The following ZHX2 variants were observed in gnomAD, a reference collection of about 807,000 sequenced individuals.
ZHX2 encodes zinc fingers and homeoboxes protein 2.
Under a neutral mutation model 21.9 loss-of-function variants are expected in ZHX2, and 6 were observed. The observed-to-expected ratio is 0.27, with a 90% CI of 0.15 to 0.54. ZHX2 has a LOEUF of 0.54. Among genes scored for constraint, ZHX2 ranks in the 20% least tolerant of loss-of-function variants. ZHX2 has a pLI of 0.95. For missense variants in ZHX2, 908 were observed against 1,090.7 expected, an observed-to-expected ratio of 0.83 and a Z score of 2.36; for synonymous variants, 434 against 437.1, an observed-to-expected ratio of 0.99 and a Z score of 0.09.
intron 3 of ZHX2, among the ~76,000 whole-genome samples, chr8:122,959,096 T>G (rs536469092): frequency 6.2e-4 from 95 of 152,282 alleles, no homozygotes; most frequent in Middle Eastern, 3.4e-3. Flanking sequence ...ATTCTGAGGC[T>G]CAGGAACCTG....
chr8:122,814,158 T>C (rs1390915632), intron 1 of ZHX2, among the ~76,000 whole-genome samples: 1 of 152,196 alleles, frequency 6.6e-6, no homozygotes, highest in African/African-American at 2.4e-5. Context: ...AGGCAACAGA[T>C]CATGAAAGCC....
chr8:122,790,552 T>C (rs970848346), intron 1 of ZHX2, among the ~76,000 whole-genome samples: 2 of 152,154 alleles, frequency 1.3e-5, no homozygotes, highest in Non-Finnish European at 2.9e-5. Context: ...TCTACATGCC[T>C]TTTGTGGGTG....
intron 1 of ZHX2, among the ~76,000 whole-genome samples, chr8:122,809,600 G>T (rs1368373996): frequency 6.6e-6 from 1 of 152,158 alleles, no homozygotes; most frequent in African/African-American, 2.4e-5. Flanking sequence ...ATCCCACGCT[G>T]GTATTTAGTT....
At chr8:122,859,282 C>T (rs1819106154) in intron 1 of ZHX2, among the ~76,000 whole-genome samples, 1 of 152,190 alleles carries the variant, frequency 6.6e-6, no homozygotes, top group Non-Finnish European at 1.5e-5. Flanking sequence ...GTGAGAGTCC[C>T]AGCTCTGAGA....
chr8:122,949,446 T>TA (rs1271439956), intron 2 of ZHX2, among the ~76,000 whole-genome samples: 2 of 152,130 alleles, frequency 1.3e-5, no homozygotes, highest in Non-Finnish European at 2.9e-5. Context: ...AATGTCTAAA[T>TA]AAAAATGACA....
At chr8:122,966,127 G>T (rs1438239037) in intron 3 of ZHX2, among the ~76,000 whole-genome samples, 1 of 152,130 alleles carries the variant, frequency 6.6e-6, no homozygotes, top group African/African-American at 2.4e-5. Context: ...ATTTTAAACG[G>T]AGCCTTTAGG....
chr8:122,903,694 G>A lies in ZHX2; in HGVS notation c.-220+40155G>A, dbSNP rs567142714. Among the ~76,000 whole-genome samples, 9 of 151,702 alleles carry A rather than the reference G, an allele frequency of 5.9e-5. No individual in the cohort carries two copies. In the South Asian group the frequency reaches 1.9e-3, roughly 32 times the overall value. ...TGTAGATTCATAAAAGACTTTGAAA[G>A]GGGAGTGGCGTGTTGTTCTGGTATC... On this transcript the variant is annotated intron_variant, in intron 2 of 3. Transcript: ENST00000314393.
chr8:122,821,023 A>G (rs1237544154), intron 1 of ZHX2, among the ~76,000 whole-genome samples: 1 of 152,210 alleles, frequency 6.6e-6, no homozygotes, highest in African/African-American at 2.4e-5. Context: ...GTGATGATTC[A>G]GGAGGAGTCA....
chr8:122,972,180 T>C (rs1813741285), intron 3 of ZHX2, among the ~76,000 whole-genome samples: 1 of 152,224 alleles, frequency 6.6e-6, no homozygotes, highest in South Asian at 2.1e-4. Context: ...CTAGTCATGT[T>C]GGATTAGAGT....
rs1382391537 is a variant in ZHX2, at chr8:122,973,529, C to T, written c.*292C>T. On this transcript the variant is annotated 3_prime_UTR_variant, in exon 4 of 4. Coordinates refer to ENST00000314393, the MANE Select transcript of ZHX2 (RefSeq NM_014943.5). ...CCCTCACCTCTTGCTATACTGGAAC[C>T]GATTTGTACAATGTGGGAATTTTGT... 6.6e-6 allele frequency: 1 copy of T among 152,622 alleles called. No individual in the cohort carries two copies. Among genetic ancestry groups the T allele is most frequent in the Non-Finnish European group, 1.5e-5 (1 of 68,042 alleles). The allele number at this position is 152,622 out of a possible 1,614,324, so 9.5% of individuals were successfully genotyped here.
At chr8:122,869,454 A>G (rs2129679534) in intron 2 of ZHX2, among the ~76,000 whole-genome samples, 1 of 152,184 alleles carries the variant, frequency 6.6e-6, no homozygotes, top group South Asian at 2.1e-4. Context: ...CAGCTTCCCA[A>G]GTACCTCTCT....
chr8:122,841,781 T>C (rs1255277401), intron 1 of ZHX2, among the ~76,000 whole-genome samples: 2 of 152,120 alleles, frequency 1.3e-5, no homozygotes, highest in African/African-American at 2.4e-5. Flanking sequence ...TATGTGATTG[T>C]ATTTGAGCCG....
At chr8:122,798,742 T>G (rs1424278401) in intron 1 of ZHX2, among the ~76,000 whole-genome samples, 1 of 150,624 alleles carries the variant, frequency 6.6e-6, no homozygotes, top group African/African-American at 2.5e-5. Flanking sequence ...GAGGTTGCAG[T>G]GAGCTGAGAT....
rs1818792691 is a variant in ZHX2, at chr8:122,848,019, A to G, written c.-282-15458A>G. 2.6e-5 allele frequency among the ~76,000 whole-genome samples: 4 copies of G among 152,368 alleles called. No individual in the cohort carries two copies. The South Asian group carries it at 8.3e-4, about 32-fold the overall frequency. Reference sequence around the variant, plus strand: ...GACAAGGGCCACATCACTGAGGTAAATAAAGGTAGAAAGTCCGCCGCAGGG... The same window carrying G: ...GACAAGGGCCACATCACTGAGGTAAGTAAAGGTAGAAAGTCCGCCGCAGGG... On this transcript the variant is annotated intron_variant, in intron 1 of 3. Coordinates refer to ENST00000314393, the MANE Select transcript of ZHX2 (RefSeq NM_014943.5).
chr8:122,927,993 T>C (rs1020742556), intron 2 of ZHX2, among the ~76,000 whole-genome samples: 3 of 152,110 alleles, frequency 2.0e-5, no homozygotes, highest in Non-Finnish European at 2.9e-5. Flanking sequence ...ACTACTGAGG[T>C]CCTGCTTCCC....
chr8:122,945,788 C>G (rs753446036), intron 2 of ZHX2, among the ~76,000 whole-genome samples: 1 of 152,218 alleles, frequency 6.6e-6, no homozygotes, highest in South Asian at 2.1e-4. Context: ...GTTCAGGCAA[C>G]CTCCTGAGGG....
chr8:122,849,691 T>C (rs1284817101), intron 1 of ZHX2, among the ~76,000 whole-genome samples: 1 of 152,202 alleles, frequency 6.6e-6, no homozygotes, highest in Non-Finnish European at 1.5e-5. Context: ...AAGATGATCT[T>C]ATCTTGAGAT....
chr8:122,933,908 C>T (rs753388813), intron 2 of ZHX2, among the ~76,000 whole-genome samples: 4 of 152,174 alleles, frequency 2.6e-5, no homozygotes, highest in Non-Finnish European at 4.4e-5. Context: ...CAATGGCCCA[C>T]GTCTGTAATC....
chr8:122,819,017 G>A (rs572256265), intron 1 of ZHX2, among the ~76,000 whole-genome samples: 1 of 152,326 alleles, frequency 6.6e-6, no homozygotes, highest in South Asian at 2.1e-4. Context: ...TGTGGGTCTA[G>A]TTTGTTCTAG....
Sources: allele counts gnomAD v4.1 joint callset (sites outside exome capture counted in the v4.1 genomes callset), GRCh38; gene constraint gnomAD v4.1.1; transcripts MANE v1.5; gene names NCBI Gene and HGNC (gene_info 2026-07-23, HGNC 2026-07-21).